Variants in EPM2A observed in about 807,000 individuals in gnomAD.
EPM2A encodes EPM2A glucan phosphatase, laforin.
Under a neutral mutation model 26.5 loss-of-function variants are expected in EPM2A, and 21 were observed. The observed-to-expected ratio is 0.79, with a 90% CI of 0.56 to 1.14. EPM2A has a LOEUF of 1.14. Ranked by LOEUF, EPM2A falls within the 50% of genes most tolerant of loss-of-function variation. EPM2A has a pLI of 0.00. For missense variants in EPM2A, 458 were observed against 440.8 expected (o/e 1.04, Z -0.35); for synonymous variants, 217 against 177.6 (o/e 1.22, Z -1.76).
At chr6:145,725,600 T>C (rs1467993725) in intron 1 of EPM2A, among the ~76,000 whole-genome samples, 1 of 151,914 alleles carries the variant, frequency 6.6e-6, no homozygotes, top group Non-Finnish European at 1.5e-5. Flanking sequence ...TAAAAAGAAA[T>C]TACAGCTACA....
downstream of EPM2A, among the ~76,000 whole-genome samples, chr6:145,496,830 T>C (rs538806483): frequency 2.7e-5 from 4 of 149,962 alleles, no homozygotes; most frequent in South Asian, 2.2e-4. Flanking sequence ...CTCCGCTTCC[T>C]GGGTTCACGC....
At chr6:145,496,728 A>ATGTTATTTTTTTTTTT (rs779194973), downstream of EPM2A, among the ~76,000 whole-genome samples, 2 of 106,908 alleles carry the variant, frequency 1.9e-5, 1 homozygote, top group Non-Finnish European at 3.9e-5. Context: ...AGTTCCTGCA[A>ATGTTATTTTTTTTTTT]TTTTTTTTTT....
intron 4 of EPM2A, among the ~76,000 whole-genome samples, chr6:145,492,409 GCT>G (rs146764971): frequency 0.016 from 2,497 of 152,262 alleles, 35 homozygotes; most frequent in Admixed American, 0.039. Flanking sequence ...GTGTTATAGT[GCT>G]CTTTTAGCTT....
chr6:145,644,267 A>G (rs1474018233), intron 2 of EPM2A, among the ~76,000 whole-genome samples: 6 of 152,178 alleles, frequency 3.9e-5, no homozygotes, highest in Non-Finnish European at 8.8e-5. Context: ...ACTATAGATG[A>G]TTTTAAAATC....
chr6:145,541,177 CTGTGTG>C (rs5880647), intron 2 of EPM2A, among the ~76,000 whole-genome samples: 5,250 of 147,170 alleles, frequency 0.036, 113 homozygotes, highest in African/African-American at 0.065. Context: ...ATATATATAT[CTGTGTG>C]TGTGTGTGTG....
chr6:145,448,534 G>C (rs1381961484), intron 4 of EPM2A, among the ~76,000 whole-genome samples: 1 of 152,188 alleles, frequency 6.6e-6, no homozygotes, highest in African/African-American at 2.4e-5. Context: ...GAGGAACAAA[G>C]AGTTAATGCA....
Position 145,667,345 on chromosome 6 carries a change from G to A in EPM2A, c.476+18777C>T, listed in dbSNP as rs1262090985. 8.8e-4 allele frequency among the ~76,000 whole-genome samples: 129 copies of A among 145,804 alleles called. No homozygotes were observed. In the East Asian group the frequency reaches 0.014, roughly 16 times the overall value. On this transcript the variant is annotated intron_variant, in intron 2 of 3. Coordinates refer to ENST00000367519, the MANE Select transcript of EPM2A (RefSeq NM_005670.4). Reference sequence around the variant, plus strand: ...AAAAAACAAACAACCCCATCAAAAAGTGGGTGAAGGACATGAACAGACACT... The same window carrying A: ...AAAAAACAAACAACCCCATCAAAAAATGGGTGAAGGACATGAACAGACACT...
chr6:145,728,457 G>A (rs538938333), intron 1 of EPM2A, among the ~76,000 whole-genome samples: 1 of 152,272 alleles, frequency 6.6e-6, no homozygotes, highest in African/African-American at 2.4e-5. Context: ...GAACTTACTG[G>A]GAACTACAGT....
At chr6:145,509,945 T>C (rs894851280) in intron 2 of EPM2A, among the ~76,000 whole-genome samples, 3 of 151,962 alleles carry the variant, frequency 2.0e-5, no homozygotes, top group South Asian at 2.1e-4. Context: ...TCTTGCATCA[T>C]ATAAAATATA....
At chr6:145,702,104 T>C (rs1263704343) in intron 1 of EPM2A, among the ~76,000 whole-genome samples, 1 of 152,184 alleles carries the variant, frequency 6.6e-6, no homozygotes, top group Non-Finnish European at 1.5e-5. Context: ...CTCTTGCCTC[T>C]AGCTAGCCCT....
At chr6:145,666,010 T>G (rs1464131182) in intron 2 of EPM2A, among the ~76,000 whole-genome samples, 1 of 146,984 alleles carries the variant, frequency 6.8e-6, no homozygotes, top group African/African-American at 2.5e-5. Context: ...TGATGGGACG[T>G]ATTTCAAAAT....
intron 2 of EPM2A, among the ~76,000 whole-genome samples, chr6:145,644,482 A>C (rs763286041): frequency 8.5e-5 from 13 of 152,166 alleles, no homozygotes; most frequent in Non-Finnish European, 1.6e-4. Context: ...CTGAAAATTT[A>C]GGAAAATACA....
At chr6:145,646,607 C>T (rs1777486758) in intron 2 of EPM2A, among the ~76,000 whole-genome samples, 1 of 152,168 alleles carries the variant, frequency 6.6e-6, no homozygotes, top group South Asian at 2.1e-4. Flanking sequence ...CTGTGTCCCT[C>T]ACATGCCTTT....
chr6:145,590,354 C>T (rs546651537), intron 2 of EPM2A, among the ~76,000 whole-genome samples: 1 of 152,068 alleles, frequency 6.6e-6, no homozygotes, highest in Admixed American at 6.5e-5. Context: ...TTACCAGAGC[C>T]TAATACACCT....
intron 2 of EPM2A, among the ~76,000 whole-genome samples, chr6:145,515,451 C>T (rs1271103904): frequency 6.6e-6 from 1 of 152,130 alleles, no homozygotes; most frequent in South Asian, 2.1e-4. Flanking sequence ...ATTTATTTCA[C>T]GTAGTTCCAG....
At chr6:145,417,318 C>T (rs1338264483) in intron 4 of EPM2A, among the ~76,000 whole-genome samples, 3 of 152,186 alleles carry the variant, frequency 2.0e-5, no homozygotes, top group African/African-American at 7.2e-5. Context: ...AACACTTTTG[C>T]ATTTTGTGCC....
chr6:145,387,635 G>C (rs1020899051), intron 4 of EPM2A, among the ~76,000 whole-genome samples: 2 of 151,932 alleles, frequency 1.3e-5, no homozygotes, highest in Admixed American at 1.3e-4. Context: ...ACCACACCTG[G>C]TTCAAATAGA....
chr6:145,391,807 C>T (rs1466575760), intron 4 of EPM2A, among the ~76,000 whole-genome samples: 1 of 152,110 alleles, frequency 6.6e-6, no homozygotes, highest in Non-Finnish European at 1.5e-5. Flanking sequence ...AGAGTAAGTC[C>T]CAAGATCTCC....
intron 1 of EPM2A, among the ~76,000 whole-genome samples, chr6:145,730,475 G>A (rs916812823): frequency 2.0e-5 from 3 of 152,204 alleles, no homozygotes; most frequent in Non-Finnish European, 2.9e-5. Flanking sequence ...GACACTGCAC[G>A]TGACATCCAA....
Sources: allele counts gnomAD v4.1 joint callset (sites outside exome capture counted in the v4.1 genomes callset), GRCh38; gene constraint gnomAD v4.1.1; transcripts MANE v1.5; gene names NCBI Gene and HGNC (gene_info 2026-07-23, HGNC 2026-07-21).